The following TYW1 variants were observed in gnomAD, a reference collection of about 807,000 sequenced individuals.
The protein encoded by TYW1 is S-adenosyl-L-methionine-dependent tRNA 4-demethylwyosine synthase TYW1.
Under a neutral mutation model 96.2 loss-of-function variants are expected in TYW1, and 46 were observed. The observed-to-expected ratio is 0.48, with a 90% CI of 0.38 to 0.61. The LOEUF (loss-of-function observed/expected upper bound fraction) is 0.61. TYW1 is among the 20% of genes least tolerant of loss of function. The probability of loss-of-function intolerance (pLI) is 0.00; values close to 1 mark genes in which losing one functional copy is unlikely to be tolerated. For missense variants in TYW1, 684 were observed against 909.6 expected, an observed-to-expected ratio of 0.75 and a Z score of 3.19; for synonymous variants, 274 against 323.0, an observed-to-expected ratio of 0.85 and a Z score of 1.63.
intron 7 of TYW1, among the ~76,000 whole-genome samples, chr7:67,049,609 T>C (rs1423097582): frequency 6.6e-6 from 1 of 151,698 alleles, no homozygotes; most frequent in Non-Finnish European, 1.5e-5. Context: ...TACGGTGGTG[T>C]GATCTCGGCT....
intron 15 of TYW1, among the ~76,000 whole-genome samples, chr7:67,199,438 A>G (rs1386703646): frequency 2.6e-5 from 4 of 152,180 alleles, no homozygotes; most frequent in African/African-American, 9.7e-5. Flanking sequence ...TAAGCTATCT[A>G]TGAAAAGGTA....
At chr7:67,024,437 G>A (rs959428747) in intron 6 of TYW1, among the ~76,000 whole-genome samples, 1 of 152,066 alleles carries the variant, frequency 6.6e-6, no homozygotes, top group Non-Finnish European at 1.5e-5. Flanking sequence ...AGAGTGCTGG[G>A]ATTATGAGTG....
At chr7:67,063,481 T>C (rs144649519) in intron 9 of TYW1, among the ~76,000 whole-genome samples, 4,636 of 152,226 alleles carry the variant, frequency 0.03, 176 homozygotes, top group African/African-American at 0.11. Flanking sequence ...AATAAAGCTG[T>C]CTTGTTTTGC....
At chr7:67,212,170 A>G (rs560903396) in intron 15 of TYW1, among the ~76,000 whole-genome samples, 72 of 152,058 alleles carry the variant, frequency 4.7e-4, no homozygotes, top group Non-Finnish European at 8.1e-4. Context: ...ATTGTTCTAT[A>G]TTTATAGTTG....
At chr7:67,102,282 A>G (rs1584563027) in intron 12 of TYW1, among the ~76,000 whole-genome samples, 4 of 152,360 alleles carry the variant, frequency 2.6e-5, no homozygotes, top group African/African-American at 7.2e-5. Context: ...AAAACGTCCA[A>G]CAAAATGCCG....
intron 7 of TYW1, among the ~76,000 whole-genome samples, chr7:67,047,682 A>G (rs1219958887): frequency 1.3e-5 from 2 of 151,324 alleles, no homozygotes; most frequent in African/African-American, 2.4e-5. Flanking sequence ...GATTCTCTAA[A>G]GTACTTTTTT....
chr7:67,016,555 A>G (rs918310854), intron 5 of TYW1, among the ~76,000 whole-genome samples: 2 of 152,166 alleles, frequency 1.3e-5, no homozygotes, highest in African/African-American at 4.8e-5. Context: ...CTCAAAAAAA[A>G]TAAATAAATA....
chr7:67,216,024 G>C (rs757865273), intron 15 of TYW1, among the ~76,000 whole-genome samples: 16 of 151,972 alleles, frequency 1.1e-4, no homozygotes, highest in Non-Finnish European at 1.9e-4. Context: ...AATCAAAGTT[G>C]ACACTCAATA....
At chr7:67,177,695 A>G (rs911333867) in intron 13 of TYW1, among the ~76,000 whole-genome samples, 2 of 152,244 alleles carry the variant, frequency 1.3e-5, no homozygotes, top group Non-Finnish European at 2.9e-5. Context: ...GTTGTTGAAG[A>G]TAACAACCAA....
At chr7:67,065,943 G>A (rs2115662747) in intron 9 of TYW1, among the ~76,000 whole-genome samples, 1 of 151,792 alleles carries the variant, frequency 6.6e-6, no homozygotes, top group South Asian at 2.1e-4. Flanking sequence ...CTGGGAGGCG[G>A]AGGGTGCAGT....
At chr7:67,191,787 C>T (rs1800227057) in intron 14 of TYW1, among the ~76,000 whole-genome samples, 1 of 151,858 alleles carries the variant, frequency 6.6e-6, no homozygotes, top group Non-Finnish European at 1.5e-5. Flanking sequence ...AGAACATTTT[C>T]TGCCCAGAGC....
At chr7:67,187,416 T>C (rs993783888) in intron 14 of TYW1, among the ~76,000 whole-genome samples, 7 of 152,178 alleles carry the variant, frequency 4.6e-5, no homozygotes, top group African/African-American at 1.4e-4. Flanking sequence ...CAGTTCATGT[T>C]ACATCAGAGG....
intron 10 of TYW1, among the ~76,000 whole-genome samples, chr7:67,078,784 C>T (rs191537013): frequency 5.9e-5 from 9 of 152,158 alleles, no homozygotes; most frequent in Middle Eastern, 3.4e-3. Flanking sequence ...CCTCCACCTC[C>T]TGGGTTCAAG....
At chr7:67,164,659 A>C (rs1799266334) in intron 13 of TYW1, among the ~76,000 whole-genome samples, 1 of 148,120 alleles carries the variant, frequency 6.8e-6, no homozygotes. Context: ...CCTCTAAAAC[A>C]GTTATTCTCA....
At chr7:67,091,242 G>T (rs1584547982) in intron 11 of TYW1, among the ~76,000 whole-genome samples, 1 of 150,886 alleles carries the variant, frequency 6.6e-6, no homozygotes, top group African/African-American at 2.4e-5. Flanking sequence ...CCATAAAAAA[G>T]GATGAATTCA....
intron 13 of TYW1, among the ~76,000 whole-genome samples, chr7:67,142,390 C>T (rs985820774): frequency 1.9e-4 from 29 of 152,002 alleles, no homozygotes; most frequent in African/African-American, 5.8e-4. Flanking sequence ...AGATGTGAGC[C>T]ACCACATCCA....
chr7:67,025,138 C>T (rs1794406565), intron 7 of TYW1, 116 bp downstream of exon 7: 1 of 1,494,092 alleles, frequency 6.7e-7, no homozygotes, highest in Admixed American at 2.2e-5. Flanking sequence ...TCTCTAGCTT[C>T]TGTCTTGAGA....
In TYW1 at chr7:67,159,121, A is replaced by AT. The variant is rs1369470942; in HGVS notation, c.1699-23998dup. ...CCTAAAATGAAGGCTTCGATTACTGATTTTTTTCACTTAGTAATATATCGT... is the reference window on the plus strand; with the variant it reads ...CCTAAAATGAAGGCTTCGATTACTGATTTTTTTTCACTTAGTAATATATCGT... On this transcript the variant is annotated intron_variant, in intron 13 of 15. Transcript: ENST00000359626. Among the ~76,000 whole-genome samples, 17 of 152,050 alleles carry AT rather than the reference A, an allele frequency of 1.1e-4. No individual in the cohort carries two copies. The East Asian group carries it at 3.1e-3, about 28-fold the overall frequency.
chr7:67,064,713 C>T (rs1795807085), intron 9 of TYW1, among the ~76,000 whole-genome samples: 1 of 152,182 alleles, frequency 6.6e-6, no homozygotes, highest in African/African-American at 2.4e-5. Context: ...CCGGGTCTCT[C>T]CCACAACACG....
Sources: gnomAD v4.1 joint callset for allele counts (sites outside exome capture counted in the v4.1 genomes callset) on GRCh38, gnomAD v4.1.1 for gene constraint, MANE v1.5 for transcripts, NCBI Gene and HGNC (gene_info 2026-07-23, HGNC 2026-07-21) for gene names.